Variants in WDR44 observed in about 807,000 individuals in gnomAD.
WDR44 encodes WD repeat-containing protein 44.
In WDR44, 9 loss-of-function variants were observed where a neutral mutation model predicts 65.7. The observed-to-expected ratio is 0.14, with a 90% CI of 0.08 to 0.24. The LOEUF (loss-of-function observed/expected upper bound fraction) is 0.24, where lower values mean the gene tolerates loss of function less well. Among genes scored for constraint, WDR44 ranks in the 10% least tolerant of loss-of-function variants. The pLI, the probability that WDR44 is intolerant of heterozygous loss-of-function variation, is 1.00. For synonymous variants in WDR44, 220 were observed against 235.2 expected (o/e 0.94, Z 0.59); for missense variants, 425 against 670.9 (o/e 0.63, Z 4.05).
rs1602961930 is a variant in WDR44 at position 118,428,048 on chromosome X, G to A, written c.1738-4733G>A. ...TACACTTGTAATCCTGGCACTTTGG[G>A]AGGCCGAGGTGGGTGGATCAGTTGA... On this transcript the variant is annotated intron_variant, in intron 12 of 19. Coordinates refer to ENST00000254029, the MANE Select transcript of WDR44 (RefSeq NM_019045.5). Among the ~76,000 whole-genome samples, 4 of 109,496 alleles carry A rather than the reference G, an allele frequency of 3.7e-5. No homozygotes were observed. In the South Asian group the frequency reaches 1.6e-3, roughly 44 times the overall value.
chrX:118,414,783 T>C (rs181442382), intron 12 of WDR44, among the ~76,000 whole-genome samples: 2 of 111,327 alleles, frequency 1.8e-5, no homozygotes, highest in East Asian at 5.6e-4. Context: ...TCTGGAGGAG[T>C]CTTTAGGGTT....
intron 17 of WDR44, 88 bp from the exon 18 acceptor site, chrX:118,443,472 T>G: frequency 9.4e-7 from 1 of 1,063,107 alleles, no homozygotes; most frequent in South Asian, 2.2e-5. Context: ...ATTTTAGGTA[T>G]CACAAAGTAG....
intron 3 of WDR44, among the ~76,000 whole-genome samples, chrX:118,387,910 CAAG>C (rs1471255024): frequency 1.8e-5 from 2 of 111,726 alleles, no homozygotes; most frequent in Non-Finnish European, 3.8e-5. Context: ...GGATAAAACT[CAAG>C]GAGAAAGACA....
intron 1 of WDR44, among the ~76,000 whole-genome samples, chrX:118,351,858 C>T (rs1482441431): frequency 9.0e-6 from 1 of 110,720 alleles, no homozygotes; most frequent in Non-Finnish European, 1.9e-5. Context: ...AGGAGAATCG[C>T]TTGAACCCGG....
At chrX:118,440,120 C>CAAAAAAAA (rs36033722) in intron 14 of WDR44, among the ~76,000 whole-genome samples, 1 of 68,732 alleles carries the variant, frequency 1.5e-5, no homozygotes, top group Admixed American at 1.7e-4. Flanking sequence ...ACCCCATCAC[C>CAAAAAAAA]AAAAAAAAAA....
chrX:118,375,853 C>A (rs1311903718), intron 1 of WDR44, among the ~76,000 whole-genome samples: 1 of 112,464 alleles, frequency 8.9e-6, no homozygotes, highest in Non-Finnish European at 1.9e-5. Flanking sequence ...ACAAATTTAA[C>A]TCCCTCCCCT....
Position 118,404,425 on chromosome X carries a change from T to C in WDR44, c.1362T>C (p.Val454=). 8.4e-7 allele frequency: 1 copy of C among 1,195,221 alleles called. No homozygotes were observed. Among genetic ancestry groups the C allele is most frequent in the Non-Finnish European group, 1.1e-6 (1 of 885,200 alleles). The change falls in exon 9 of 20, where the codon GTT becomes GTC. Residue 454 remains valine (V), a synonymous_variant. Transcript: ENST00000254029. ...ATGGTGAACGTGCTATAAATAAAGT[T>C]AAAAGTGTTAGAGATGAAGGTGAGT... is the stretch of plus-strand genomic sequence containing the variant. ...EEYGERAINK[V]KSVRDEVFHT...
At chrX:118,443,324 A>G (rs977028584) in intron 17 of WDR44, among the ~76,000 whole-genome samples, 1 of 111,291 alleles carries the variant, frequency 9.0e-6, no homozygotes, top group African/African-American at 3.3e-5. Context: ...ATTCCTCCCA[A>G]CGTGGATTAA....
At chrX:118,427,626 T>C (rs1467082593) in intron 12 of WDR44, among the ~76,000 whole-genome samples, 1 of 108,602 alleles carries the variant, frequency 9.2e-6, no homozygotes, top group Non-Finnish European at 1.9e-5. Flanking sequence ...GAGAAACTGC[T>C]CTAGCCGTCT....
intron 1 of WDR44, among the ~76,000 whole-genome samples, chrX:118,370,492 T>A (rs756884274): frequency 1.6e-4 from 18 of 111,089 alleles, no homozygotes; most frequent in Non-Finnish European, 3.2e-4. Context: ...CCCTTTTGCA[T>A]TCCATGATTG....
intron 3 of WDR44, among the ~76,000 whole-genome samples, chrX:118,390,330 G>C (rs2056808949): frequency 9.0e-6 from 1 of 110,792 alleles, no homozygotes; most frequent in Admixed American, 9.7e-5. Context: ...CTAAAATCCA[G>C]AAAAAAATGA....
intron 4 of WDR44, 28 bp from the exon 5 acceptor site, chrX:118,394,027 A>G: frequency 2.5e-6 from 3 of 1,179,278 alleles, no homozygotes; most frequent in South Asian, 1.8e-5. Context: ...AAGGGTTGTT[A>G]TTATTGTTGT....
chrX:118,381,576 CTTTT>C (rs371445545), intron 2 of WDR44, among the ~76,000 whole-genome samples: 1 of 87,119 alleles, frequency 1.1e-5, no homozygotes, highest in African/African-American at 4.6e-5. Context: ...GTTCTTTCTT[CTTTT>C]TTTTTTTTTT....
intron 8 of WDR44, among the ~76,000 whole-genome samples, chrX:118,402,839 G>T (rs1248652996): frequency 2.7e-5 from 3 of 112,420 alleles, no homozygotes; most frequent in Non-Finnish European, 5.6e-5. Flanking sequence ...ACATGTAATT[G>T]CACAGATAAG....
At chrX:118,394,368 A>T (rs2056847839) in intron 5 of WDR44, among the ~76,000 whole-genome samples, 183 bp downstream of exon 5, 1 of 111,584 alleles carries the variant, frequency 9.0e-6, no homozygotes, top group African/African-American at 3.3e-5. Flanking sequence ...GCTGTTTAGC[A>T]TCTGGATCTC....
At chrX:118,378,735 T>TGTGTG (rs1556057149) in intron 2 of WDR44, among the ~76,000 whole-genome samples, 1 of 106,438 alleles carries the variant, frequency 9.4e-6, no homozygotes, top group African/African-American at 3.5e-5. Flanking sequence ...TGTGTGTGTG[T>TGTGTG]TGAAAAAGTG....
Position 118,387,372 on chromosome X carries a change from T to C in WDR44, c.144T>C (p.Asn48=). 8.3e-7 allele frequency: 1 copy of C among 1,202,141 alleles called. No individual in the cohort carries two copies. The highest frequency in any genetic ancestry group is 1.1e-6 in the Non-Finnish European group (1 of 890,838). The change falls in exon 3 of 20, where the codon AAT becomes AAC. Residue 48 remains asparagine (N), a synonymous_variant. Transcript: ENST00000254029. ...AGAACACTGCATACAAAGTTGGAAA[T>C]GAGTCCCCTGTACAAGAATTGAAAC... ...ETENTAYKVG[N]ESPVQELKQD...
In WDR44 at chrX:118,392,964, A is replaced by G. The variant is rs758109781; in HGVS notation, c.519A>G (p.Thr173=). 6 of 1,212,461 alleles carry G rather than the reference A, an allele frequency of 4.9e-6. No individual in the cohort carries two copies. The highest frequency in any genetic ancestry group is 1.7e-5 in the African/African-American group (1 of 57,990). Residue 173 remains threonine, a synonymous_variant, in exon 4 of 20, where the codon ACA becomes ACG. Coordinates refer to ENST00000254029, the MANE Select transcript of WDR44 (RefSeq NM_019045.5). The part of the protein sequence containing the change: ...TEQLNVLETE[T]EVLNKEAVEV... ...AGCTTAATGTGCTTGAAACTGAAAC[A>G]GAAGTATTGAACAAGGAAGCAGTGG...
At position 118,442,230 on chromosome X, in the gene WDR44, T is replaced by C; in HGVS notation, c.2167-14T>C. On this transcript the variant is annotated splice_polypyrimidine_tract_variant and intron_variant, in intron 15 of 19. Coordinates refer to ENST00000254029, the MANE Select transcript of WDR44 (RefSeq NM_019045.5). ...TCCTAATTCTAATATGTTAAATGTA[T>C]GGTTTATTTTTAGCATTTGAAATAC... The C allele has an allele frequency of 8.5e-7, 1 of 1,173,716 alleles. No homozygotes were observed. Among genetic ancestry groups the C allele is most frequent in the Admixed American group, 2.2e-5 (1 of 45,466 alleles).
Sources: allele counts gnomAD v4.1 joint callset (sites outside exome capture counted in the v4.1 genomes callset), GRCh38; gene constraint gnomAD v4.1.1; transcripts MANE v1.5; gene names NCBI Gene and HGNC (gene_info 2026-07-23, HGNC 2026-07-21).